VPS8: variants seen among roughly 807,000 people sequenced by gnomAD.
The protein encoded by VPS8 is VPS8 subunit of CORVET complex.
A neutral mutation model predicts 216.4 loss-of-function variants in VPS8; 129 were observed. That is an observed-to-expected ratio of 0.60 (90% CI 0.52 to 0.69). The LOEUF (loss-of-function observed/expected upper bound fraction) is 0.69, where lower values mean the gene tolerates loss of function less well. Among genes scored for constraint, VPS8 ranks in the 30% least tolerant of loss-of-function variants. The pLI is 0.00. For missense variants in VPS8, 1,531 were observed against 1,683.5 expected, an observed-to-expected ratio of 0.91 and a Z score of 1.59; for synonymous variants, 571 against 565.4, an observed-to-expected ratio of 1.01 and a Z score of -0.14.
intron 23 of VPS8, among the ~76,000 whole-genome samples, chr3:184,895,645 CT>C (rs1193683155): frequency 4.3e-5 from 2 of 46,938 alleles, no homozygotes; most frequent in Non-Finnish European, 7.8e-5. Context: ...CCCCCACTCT[CT>C]TTTTTTTTTT....
intron 22 of VPS8, among the ~76,000 whole-genome samples, chr3:184,894,170 G>A (rs1049113594): frequency 6.6e-6 from 1 of 152,056 alleles, no homozygotes; most frequent in Non-Finnish European, 1.5e-5. Context: ...GATGCAAAGG[G>A]TTATAGCTAG....
Position 184,839,811 on chromosome 3 carries a change from T to C in VPS8, c.535+59T>C, listed in dbSNP as rs184642487. On this transcript the variant is annotated intron_variant, in intron 7 of 47. Transcript: ENST00000625842. ...TTAAGTGTCCTTTTGGGTTTTATAA[T>C]GTCCTTTAATCACAGTTTATATAGT... 1,491 of 1,548,378 alleles carry C rather than the reference T, an allele frequency of 9.6e-4. 19 individuals are homozygous for C. The highest frequency in any genetic ancestry group is 7.5e-5 in the Non-Finnish European group (86 of 1,146,032).
At chr3:184,885,274 C>G (rs547897573) in intron 21 of VPS8, among the ~76,000 whole-genome samples, 1 of 152,104 alleles carries the variant, frequency 6.6e-6, no homozygotes, top group Non-Finnish European at 1.5e-5. Context: ...ATAACCCTTC[C>G]AGGATTTTTA....
rs528528802 is a variant in VPS8 at position 185,010,164 on chromosome 3, T to A, written c.4002+10303T>A. On this transcript the variant is annotated intron_variant, in intron 45 of 47. Coordinates refer to ENST00000625842, the MANE Select transcript of VPS8 (RefSeq NM_001009921.3). ...TTAGCCTCAGTAGTGGGGAAAAAAA[T>A]TAACTTTAAACTAACTGCTGCTTTG... Among the ~76,000 whole-genome samples, 175 of 152,202 alleles carry A rather than the reference T, an allele frequency of 1.1e-3. 2 individuals carry two copies. The highest frequency in any genetic ancestry group is 4.1e-3 in the African/African-American group (169 of 41,534).
chr3:185,034,288 C>T (rs1758571560), intron 46 of VPS8, among the ~76,000 whole-genome samples: 1 of 152,146 alleles, frequency 6.6e-6, no homozygotes, highest in Non-Finnish European at 1.5e-5. Context: ...CATTGATGGA[C>T]ATTTGGGTTG....
intron 36 of VPS8, among the ~76,000 whole-genome samples, chr3:184,944,813 A>G (rs1190582269): frequency 2.0e-5 from 3 of 152,326 alleles, no homozygotes; most frequent in Non-Finnish European, 2.9e-5. Context: ...AGCAAGATAT[A>G]GATTATGGAA....
intron 44 of VPS8, among the ~76,000 whole-genome samples, chr3:184,998,097 C>G (rs987938729): frequency 6.6e-6 from 1 of 152,102 alleles, no homozygotes; most frequent in South Asian, 2.1e-4. Context: ...AAAGAGACTT[C>G]AGAGGAGCAG....
At chr3:185,028,626 G>A (rs542184498) in intron 46 of VPS8, among the ~76,000 whole-genome samples, 2 of 152,334 alleles carry the variant, frequency 1.3e-5, no homozygotes, top group South Asian at 4.1e-4. Context: ...ATGGAGTAAA[G>A]AGATTAAATA....
chr3:184,913,573 T>C lies in VPS8; in HGVS notation c.2189+12T>C, dbSNP rs747333202. The C allele has an allele frequency of 1.9e-6, 3 of 1,558,566 alleles. No individual in the cohort carries two copies. In the African/African-American group the frequency reaches 4.1e-5, roughly 22 times the overall value. Reference sequence around the variant, plus strand: ...CTTGTATATATTAGGTAAGATTGTTTTATTTATTCATCTGCATGTATGTTC... The same window carrying C: ...CTTGTATATATTAGGTAAGATTGTTCTATTTATTCATCTGCATGTATGTTC... On this transcript the variant is annotated intron_variant, in intron 26 of 47. Coordinates refer to ENST00000625842, the MANE Select transcript of VPS8 (RefSeq NM_001009921.3).
intron 45 of VPS8, among the ~76,000 whole-genome samples, chr3:185,010,962 G>T (rs1022178870): frequency 6.6e-6 from 1 of 151,852 alleles, no homozygotes; most frequent in Non-Finnish European, 1.5e-5. Flanking sequence ...TTGTTCCATG[G>T]GACTCCAGCC....
At chr3:184,896,736 A>C (rs1451349149) in intron 23 of VPS8, among the ~76,000 whole-genome samples, 1 of 152,230 alleles carries the variant, frequency 6.6e-6, no homozygotes, top group Non-Finnish European at 1.5e-5. Flanking sequence ...ATAAAGCCTA[A>C]ATTTTAGCAG....
At chr3:184,973,190 T>C (rs1748706999) in intron 40 of VPS8, among the ~76,000 whole-genome samples, 1 of 152,228 alleles carries the variant, frequency 6.6e-6, no homozygotes, top group African/African-American at 2.4e-5. Context: ...TAGAAAGTTA[T>C]GCAGAAGAAT....
In VPS8 at chr3:184,832,807, C is replaced by T; in HGVS notation, c.341C>T (p.Thr114Ile). 1.2e-6 allele frequency: 2 copies of T among 1,608,076 alleles called. No individual in the cohort carries two copies. Among genetic ancestry groups the T allele is most frequent in the Non-Finnish European group, 1.7e-6 (2 of 1,177,140 alleles). ...SVASSDSGDRTNLKRKKKLPD... is the reference protein window; with the variant it reads ...SVASSDSGDRINLKRKKKLPD... ...GCAAGCTCAGATAGTGGTGACAGGACCAACTTAAAAAGGTAGGTATTCATG... is the reference window on the plus strand; with the variant it reads ...GCAAGCTCAGATAGTGGTGACAGGATCAACTTAAAAAGGTAGGTATTCATG... The change falls in exon 4 of 48, where the codon ACC (threonine) becomes ATC (isoleucine). Residue 114 changes from threonine (T) to isoleucine (I), a missense_variant. Coordinates refer to ENST00000625842, the MANE Select transcript of VPS8 (RefSeq NM_001009921.3).
intron 8 of VPS8, among the ~76,000 whole-genome samples, chr3:184,845,463 C>T (rs1457786594): frequency 1.3e-5 from 2 of 151,962 alleles, no homozygotes; most frequent in Non-Finnish European, 2.9e-5. Context: ...AAGGATAGGA[C>T]ATATGAAGAG....
intron 15 of VPS8, among the ~76,000 whole-genome samples, chr3:184,862,190 G>C (rs2108734768): frequency 6.6e-6 from 1 of 152,242 alleles, no homozygotes; most frequent in East Asian, 1.9e-4. Context: ...TCTGAATTCT[G>C]ATTGAGCAGA....
intron 1 of VPS8, among the ~76,000 whole-genome samples, chr3:184,819,578 ATT>A (rs1717100432): frequency 6.6e-6 from 1 of 152,228 alleles, no homozygotes; most frequent in Non-Finnish European, 1.5e-5. Flanking sequence ...TGGTGCATAT[ATT>A]GGAATGAAGG....
chr3:184,936,515 C>CTGTGTG (rs59011109), intron 35 of VPS8, among the ~76,000 whole-genome samples, 180 bp downstream of exon 35: 38,760 of 118,886 alleles, frequency 0.33, 6,830 homozygotes, highest in Non-Finnish European at 0.39. Context: ...CAACCTAATA[C>CTGTGTG]TGTGTGTGTG....
Position 184,894,926 on chromosome 3 carries a change from G to C in VPS8, c.2004+1G>C. 6.3e-7 allele frequency: 1 copy of C among 1,597,568 alleles called. No homozygotes were observed. The highest frequency in any genetic ancestry group is 8.5e-7 in the Non-Finnish European group (1 of 1,171,568). On this transcript the variant is annotated splice_donor_variant, in intron 23 of 47. Coordinates refer to ENST00000625842, the MANE Select transcript of VPS8 (RefSeq NM_001009921.3). LOFTEE classifies it high-confidence loss of function. ...TATCACCAGCCTAGATATTCAGCAGGTGAGTTTATAGACAGTCTACTAACT... is the reference window on the plus strand; with the variant it reads ...TATCACCAGCCTAGATATTCAGCAGCTGAGTTTATAGACAGTCTACTAACT...
chr3:185,023,699 C>G (rs1756965811), intron 45 of VPS8, among the ~76,000 whole-genome samples: 1 of 152,088 alleles, frequency 6.6e-6, no homozygotes, highest in African/African-American at 2.4e-5. Flanking sequence ...GTAGTGCTAT[C>G]ATGGCATATT....
Sources: allele counts gnomAD v4.1 joint callset (sites outside exome capture counted in the v4.1 genomes callset), GRCh38; gene constraint gnomAD v4.1.1; transcripts MANE v1.5; gene names NCBI Gene and HGNC (gene_info 2026-07-23, HGNC 2026-07-21).